The following ELL variants were observed in gnomAD, a reference collection of about 807,000 sequenced individuals.
ELL encodes the protein elongation factor for RNA polymerase II, also known as RNA polymerase II elongation factor ELL.
Under a neutral mutation model 64.0 loss-of-function variants are expected in ELL, and 18 were observed. The observed-to-expected ratio is 0.28, with a 90% CI of 0.19 to 0.42. ELL has a LOEUF of 0.42. Ranked by LOEUF, ELL falls within the 10% of genes least tolerant of loss-of-function variation. ELL has a pLI of 1.00. For missense variants in ELL, 797 were observed against 870.4 expected (o/e 0.92, Z 1.06); for synonymous variants, 399 against 376.2 (o/e 1.06, Z -0.70).
chr19:18,446,225 A>AGGAGGCCACTAG, intron 10 of ELL, 84 bp downstream of exon 10: 1 of 1,413,740 alleles, frequency 7.1e-7, no homozygotes, highest in Non-Finnish European at 9.3e-7. Context: ...GGGGCCACCA[A>AGGAGGCCACTAG]GCTCGTGGTG....
intron 5 of ELL, among the ~76,000 whole-genome samples, chr19:18,459,870 C>G (rs1370890666): frequency 6.6e-6 from 1 of 152,230 alleles, no homozygotes; most frequent in Non-Finnish European, 1.5e-5. Context: ...CACCCCCAAA[C>G]TGCTGCCAGT....
At chr19:18,511,038 C>T (rs1348977631) in intron 1 of ELL, among the ~76,000 whole-genome samples, 9 of 152,036 alleles carry the variant, frequency 5.9e-5, no homozygotes, top group Middle Eastern at 3.4e-3. Flanking sequence ...GAGGCTGAGG[C>T]GGGCAGATCA....
chr19:18,498,400 A>G (rs1975707158), intron 1 of ELL, among the ~76,000 whole-genome samples: 1 of 152,196 alleles, frequency 6.6e-6, no homozygotes, highest in Non-Finnish European at 1.5e-5. Context: ...GCTAGAAGAC[A>G]ACCAGGAGGT....
chr19:18,505,784 G>A (rs1275579564), intron 1 of ELL, among the ~76,000 whole-genome samples: 7 of 152,084 alleles, frequency 4.6e-5, no homozygotes, highest in African/African-American at 7.2e-5. Flanking sequence ...AACACCCCAC[G>A]GACAGGAAAG....
chr19:18,451,014 A>G, intron 7 of ELL, 39 bp from the exon 8 acceptor site: 2 of 1,487,594 alleles, frequency 1.3e-6, no homozygotes, highest in East Asian at 2.3e-5. Context: ...GGGAGCACAG[A>G]GTGGCTGAGC....
In ELL at chr19:18,522,038, C is replaced by A. The variant is rs1168152083; in HGVS notation, c.18G>T (p.Glu6Asp). 5.0e-6 allele frequency: 8 copies of A among 1,606,788 alleles called. No homozygotes were observed. The African/African-American group carries it at 8.1e-5, about 16-fold the overall frequency. MAALK[E>D]DRSYGLSCGR... is the part of the protein sequence containing the mutation. ...CGCACGACAGCCCGTAGCTCCTATCCTCCTTCAGCGCCGCCATCTTGCGAC... is the reference window on the plus strand; with the variant it reads ...CGCACGACAGCCCGTAGCTCCTATCATCCTTCAGCGCCGCCATCTTGCGAC... Residue 6 changes from glutamate (E) to aspartate (D), a missense_variant, in exon 1 of 12, where the codon GAG (glutamate) becomes GAT (aspartate). Physicochemically the swap from Glu to Asp is conservative, Grantham distance 45. Transcript: ENST00000262809.
chr19:18,498,127 C>CAA (rs796220206), intron 1 of ELL, among the ~76,000 whole-genome samples: 1 of 134,988 alleles, frequency 7.4e-6, no homozygotes, highest in Middle Eastern at 3.7e-3. Flanking sequence ...AACTTGGTCT[C>CAA]AAAAAAAAAA....
Position 18,449,740 on chromosome 19 carries a change from T to C in ELL, c.1465+737A>G, listed in dbSNP as rs1974482618. ...GGCCGCCATCGCCACATGGGACCAC[T>C]GCAGCCCCTGTCGCACATGGTGGTG... On this transcript the variant is annotated intron_variant, in intron 8 of 11. Coordinates refer to ENST00000262809, the MANE Select transcript of ELL (RefSeq NM_006532.4). The surrounding 1 kb of genome is among the most constrained non-coding windows in gnomAD (Gnocchi z 4.4). 6.6e-6 allele frequency among the ~76,000 whole-genome samples: 1 copy of C among 152,220 alleles called. No individual in the cohort carries two copies. Among genetic ancestry groups the C allele is most frequent in the Non-Finnish European group, 1.5e-5 (1 of 68,040 alleles).
In ELL at chr19:18,509,587, GCGCGCGCACATACACACA is replaced by G. The variant is rs1307528203; in HGVS notation, c.135+12316_135+12333del. On this transcript the variant is annotated intron_variant, in intron 1 of 11. Coordinates refer to ENST00000262809, the MANE Select transcript of ELL (RefSeq NM_006532.4). ...GAGACACAGGCCAATGCACGTGCGC[GCGCGCGCACATACACACA>G]CACACACACACACACACACACACAC... 8.0e-5 allele frequency among the ~76,000 whole-genome samples: 9 copies of G among 112,844 alleles called. 1 individual carries two copies. Among genetic ancestry groups the G allele is most frequent in the African/African-American group, 3.8e-4 (9 of 23,460 alleles). The allele number at this position is 112,844 out of a possible 152,430, so 74.0% of individuals were successfully genotyped here.
At position 18,443,287 on chromosome 19, in the gene ELL, A is replaced by C. The variant is rs1428420290; in HGVS notation, c.*1465T>G. 9 of 233,174 alleles carry C rather than the reference A, an allele frequency of 3.9e-5. No individual in the cohort carries two copies. In the East Asian group the frequency reaches 5.4e-4, roughly 14 times the overall value. The allele number at this position is 233,174 out of a possible 1,614,324, so 14.4% of individuals were successfully genotyped here. A position where few individuals can be genotyped will look rare whatever the true frequency, so the allele number is the denominator to read the frequency against. ...GAGCTCTGGGAACCCGGGGGTCCCA[A>C]AGGAGAGAGACTCTCGGGCAGGGGT... On this transcript the variant is annotated 3_prime_UTR_variant, in exon 12 of 12. Transcript: ENST00000262809.
At chr19:18,493,396 C>G (rs1476306663) in intron 1 of ELL, among the ~76,000 whole-genome samples, 4 of 152,258 alleles carry the variant, frequency 2.6e-5, no homozygotes. Context: ...TCTGGCCCCT[C>G]TGAAGCCAGG....
At chr19:18,481,019 A>G (rs371410805) in intron 1 of ELL, among the ~76,000 whole-genome samples, 1 of 152,154 alleles carries the variant, frequency 6.6e-6, no homozygotes, top group African/African-American at 2.4e-5. Context: ...AGACAAAAAT[A>G]TGCAGATTGC....
At chr19:18,451,444 G>T in intron 7 of ELL, 108 bp downstream of exon 7, 1 of 1,052,202 alleles carries the variant, frequency 9.5e-7, no homozygotes, top group Non-Finnish European at 1.3e-6. Context: ...TCAACTTGGA[G>T]CAGCTCATGC....
In ELL at chr19:18,449,876, C is replaced by T. The variant is rs963622114; in HGVS notation, c.1465+601G>A. ...GTGCTACTGCTGCTCAGTTTAGGTG[C>T]CTGGGCTGTGGTCTCGGAGCCGCCC... On this transcript the variant is annotated intron_variant, in intron 8 of 11. Coordinates refer to ENST00000262809, the MANE Select transcript of ELL (RefSeq NM_006532.4). The surrounding 1 kb of genome is among the most constrained non-coding windows in gnomAD (Gnocchi z 4.4). Among the ~76,000 whole-genome samples the T allele has an allele frequency of 4.6e-5, 7 of 152,228 alleles. No homozygotes were observed. Among genetic ancestry groups the T allele is most frequent in the African/African-American group, 1.7e-4 (7 of 41,452 alleles).
chr19:18,459,516 G>T (rs1424471124), intron 5 of ELL, among the ~76,000 whole-genome samples: 1 of 151,846 alleles, frequency 6.6e-6, no homozygotes, highest in Non-Finnish European at 1.5e-5. Flanking sequence ...TATCCCATGG[G>T]GAGCATTTTT....
At chr19:18,520,933 A>G (rs1976254481) in intron 1 of ELL, among the ~76,000 whole-genome samples, 1 of 151,994 alleles carries the variant, frequency 6.6e-6, no homozygotes, top group Non-Finnish European at 1.5e-5. Context: ...AGGGGGGGCC[A>G]TGACACAAAC....
intron 8 of ELL, among the ~76,000 whole-genome samples, chr19:18,448,965 A>G (rs573061764): frequency 1.3e-5 from 2 of 152,238 alleles, no homozygotes; most frequent in South Asian, 4.1e-4. Flanking sequence ...GCCCTGCACA[A>G]GTACCACCTT....
intron 10 of ELL, 148 bp downstream of exon 10, chr19:18,446,161 G>A (rs2144884832): frequency 9.9e-7 from 1 of 1,007,754 alleles, no homozygotes; most frequent in East Asian, 2.7e-5. Context: ...CCATGGGGTT[G>A]CTGCATGGAG....
intron 5 of ELL, among the ~76,000 whole-genome samples, chr19:18,460,083 C>G (rs1174620947): frequency 6.6e-6 from 1 of 152,176 alleles, no homozygotes; most frequent in East Asian, 1.9e-4. Context: ...TGGGGCTCAG[C>G]CAGTCCTAGA....
Sources: gnomAD v4.1 joint callset for allele counts (sites outside exome capture counted in the v4.1 genomes callset) on GRCh38, gnomAD v4.1.1 for gene constraint, Gnocchi (gnomAD v3.1) non-coding constraint, MANE v1.5 for transcripts, NCBI Gene and HGNC (gene_info 2026-07-23, HGNC 2026-07-21) for gene names.